Variants in PDE4C observed in about 807,000 individuals in gnomAD.
PDE4C encodes the protein 3',5'-cyclic-AMP phosphodiesterase 4C.
PDE4C carries 50 observed loss-of-function variants against 63.9 expected under a neutral mutation model. The observed-to-expected ratio is 0.78, with a 90% CI of 0.62 to 0.99. PDE4C has a LOEUF of 0.99. Ranked by LOEUF, PDE4C falls within the 50% of genes least tolerant of loss-of-function variation. The pLI is 0.00. For synonymous variants in PDE4C, 377 were observed against 385.1 expected, an observed-to-expected ratio of 0.98 and a Z score of 0.25; for missense variants, 777 against 899.1, an observed-to-expected ratio of 0.86 and a Z score of 1.74.
At chr19:18,219,306 G>A in exon 8 of PDE4C, 1 of 1,614,186 alleles carries the variant, frequency 6.2e-7, no homozygotes, top group Non-Finnish European at 8.5e-7. Context: ...GGCTGGCACT[G>A]TGGCAGAGCC....
upstream of PDE4C, among the ~76,000 whole-genome samples, chr19:18,236,158 T>C (rs915938840): frequency 9.2e-5 from 14 of 152,016 alleles, no homozygotes; most frequent in Non-Finnish European, 1.8e-4. Context: ...TTAGCCAGGA[T>C]GGTCTCGATC....
chr19:18,252,786 T>G (rs1969246814), upstream of PDE4C, among the ~76,000 whole-genome samples: 1 of 152,060 alleles, frequency 6.6e-6, no homozygotes, highest in Non-Finnish European at 1.5e-5. Flanking sequence ...CCTGGCTAAT[T>G]TTTGCATTTT....
chr19:18,223,508 C>T (rs1037440988), intron 1 of PDE4C, among the ~76,000 whole-genome samples: 1 of 152,162 alleles, frequency 6.6e-6, no homozygotes, highest in Non-Finnish European at 1.5e-5. Context: ...CCGTGCCCGG[C>T]CAAAGTTTTG....
At chr19:18,212,021 G>A in intron 13 of PDE4C, 80 bp from the exon 14 acceptor site, 1 of 1,395,924 alleles carries the variant, frequency 7.2e-7, no homozygotes, top group Non-Finnish European at 1.0e-6. Context: ...CAGGCTTGGT[G>A]CCATGGACAC....
Position 18,220,264 on chromosome 19 carries a change from C to T in PDE4C, c.668G>A (p.Gly223Glu), listed in dbSNP as rs1367476661. 6.2e-7 allele frequency: 1 copy of T among 1,614,102 alleles called. No homozygotes were observed. Among genetic ancestry groups the T allele is most frequent in the Non-Finnish European group, 8.5e-7 (1 of 1,180,018 alleles). Reference sequence around the variant, plus strand: ...GGAGATGTACTCGGACACCTGGTTCCCGGAGCGGCTGGTTTCGGACAGGTG... The same window carrying T: ...GGAGATGTACTCGGACACCTGGTTCTCGGAGCGGCTGGTTTCGGACAGGTG... The change falls in exon 7 of 15, where the codon GGG (glycine) becomes GAG (glutamate). Residue 223 changes from glycine to glutamate, a missense_variant. Gly to Glu is a moderately conservative substitution (Grantham distance 98). This residue lies in a region of PDE4C where 500 missense variants were observed against 597.8 expected (regional missense o/e 0.84). Coordinates refer to ENST00000262805, the Ensembl canonical transcript of PDE4C. The surrounding 1 kb of genome is among the most constrained non-coding windows in gnomAD (Gnocchi z 5.1).
chr19:18,238,638 T>C (rs1192780943), upstream of PDE4C, among the ~76,000 whole-genome samples: 1 of 152,176 alleles, frequency 6.6e-6, no homozygotes, highest in Non-Finnish European at 1.5e-5. Context: ...CTATGCACCA[T>C]AGTGATATTC....
intron 1 of PDE4C, among the ~76,000 whole-genome samples, chr19:18,232,744 C>T (rs1215608409): frequency 6.6e-6 from 1 of 152,112 alleles, no homozygotes; most frequent in Non-Finnish European, 1.5e-5. Flanking sequence ...GTGGGCACAC[C>T]CGGTCACACA....
exon 1 of PDE4C, chr19:18,233,048 C>T: frequency 1.3e-6 from 2 of 1,564,348 alleles, no homozygotes; most frequent in Non-Finnish European, 1.7e-6. Flanking sequence ...TGTCCGGATC[C>T]GAATAGAAGC....
rs758429607 is a variant in PDE4C, at chr19:18,222,109, C to T, written c.338+23G>A. ...GAAGGAGGGAGGGTAGAGGCGGTGT[C>T]ATCCCACCAGCCCCAGACTCACAGG... On this transcript the variant is annotated intron_variant, in intron 2 of 14. Coordinates refer to ENST00000262805, the Ensembl canonical transcript of PDE4C. The T allele has an allele frequency of 2.5e-6, 4 of 1,587,632 alleles. No individual in the cohort carries two copies. The South Asian group carries it at 4.5e-5, about 18-fold the overall frequency.
At chr19:18,239,195 T>C (rs1969000409) in intron 1 of PDE4C, among the ~76,000 whole-genome samples, 1 of 152,046 alleles carries the variant, frequency 6.6e-6, no homozygotes, top group African/African-American at 2.4e-5. Context: ...GGCTCAGAGG[T>C]TAAGTAACTA....
In PDE4C at chr19:18,222,152, G is replaced by T. The variant is rs779019900; in HGVS notation, c.318C>A (p.Asn106Lys). 3 of 1,613,432 alleles carry T rather than the reference G, an allele frequency of 1.9e-6. No homozygotes were observed. The Admixed American group carries it at 5.0e-5, about 27-fold the overall frequency. ...CTCACAGGTCGCTGGCCACAGAGGA[G>T]TTCCGAGACATGGCCTTGGGCGAGA... Residue 106 changes from asparagine to lysine, a missense_variant, in exon 2 of 15, where the codon AAC (asparagine) becomes AAA (lysine). Transcript: ENST00000262805.
At chr19:18,232,940 G>T (rs755669604) in intron 1 of PDE4C, 2 of 1,430,624 alleles carry the variant, frequency 1.4e-6, no homozygotes, top group Non-Finnish European at 9.2e-7. Context: ...CCCCTGCCCC[G>T]GCCACCTACC....
upstream of PDE4C, chr19:18,236,807 T>A (rs1275722461): frequency 6.6e-6 from 1 of 152,554 alleles, no homozygotes; most frequent in Non-Finnish European, 1.5e-5. Flanking sequence ...ATGGACGAAC[T>A]GCTCTTCCTC....
At chr19:18,246,114 C>G (rs551170169) in intron 1 of PDE4C, among the ~76,000 whole-genome samples, 2 of 150,142 alleles carry the variant, frequency 1.3e-5, no homozygotes, top group African/African-American at 2.5e-5. Context: ...CTTCCGGGTT[C>G]AAGCGATCCT....
chr19:18,218,191 C>G, exon 11 of PDE4C: 5 of 1,614,184 alleles, frequency 3.1e-6, no homozygotes, highest in Non-Finnish European at 4.2e-6. Context: ...GGATGGTCCA[C>G]GTCGTGGATG....
At position 18,220,979 on chromosome 19, in the gene PDE4C, G is replaced by A; in HGVS notation, c.450-56C>T. On this transcript the variant is annotated intron_variant, in intron 4 of 14. Transcript: ENST00000262805. The surrounding 1 kb of genome is among the most constrained non-coding windows in gnomAD (Gnocchi z 5.1). ...TCCGCCCATCTCGCCCCGCCCCCAAGTCCACCAGGCCCCGCCCCTCAAACC... is the reference window on the plus strand; with the variant it reads ...TCCGCCCATCTCGCCCCGCCCCCAAATCCACCAGGCCCCGCCCCTCAAACC... 1 of 1,560,142 alleles carries A rather than the reference G, an allele frequency of 6.4e-7. No individual in the cohort carries two copies. Among genetic ancestry groups the A allele is most frequent in the Non-Finnish European group, 8.7e-7 (1 of 1,151,608 alleles).
exon 2 of PDE4C, chr19:18,222,235 C>T: frequency 6.2e-7 from 1 of 1,614,140 alleles, no homozygotes; most frequent in Non-Finnish European, 8.5e-7. Flanking sequence ...CTGTGCGGGA[C>T]TGGAGCCTGC....
exon 10 of PDE4C, chr19:18,218,494 C>T (rs554130523): frequency 1.7e-5 from 28 of 1,614,168 alleles, no homozygotes; most frequent in Non-Finnish European, 1.9e-5. Context: ...CAGCAGGTCC[C>T]GCTCCTGGTC....
chr19:18,233,574 T>C, exon 1 of PDE4C: 4 of 498,138 alleles, frequency 8.0e-6, no homozygotes, highest in South Asian at 6.2e-5. Flanking sequence ...TGTCCACTGA[T>C]CGCTGCTAAA....
Sources: allele counts gnomAD v4.1 joint callset (sites outside exome capture counted in the v4.1 genomes callset), GRCh38; gene constraint gnomAD v4.1.1; regional missense constraint gnomAD v4.1.1; non-coding constraint Gnocchi (gnomAD v3.1); transcripts MANE v1.5; gene names NCBI Gene and HGNC (gene_info 2026-07-23, HGNC 2026-07-21).